Variants in MYCBP2 observed in about 807,000 individuals in gnomAD.
MYCBP2 encodes the protein MYC binding protein 2.
A neutral mutation model predicts 525.3 loss-of-function variants in MYCBP2; 120 were observed. That is an observed-to-expected ratio of 0.23 (90% confidence interval 0.20 to 0.27). The LOEUF is 0.27. MYCBP2 is among the 10% of genes least tolerant of loss of function. The pLI is 1.00. For synonymous variants in MYCBP2, 1,894 were observed against 1,955.8 expected, an observed-to-expected ratio of 0.97 and a Z score of 0.83; for missense variants, 4,149 against 5,657.1, an observed-to-expected ratio of 0.73 and a Z score of 8.55.
At chr13:77,284,188 TACA>T in intron 3 of MYCBP2, among the ~76,000 whole-genome samples, 1 of 151,348 alleles carries the variant, frequency 6.6e-6, no homozygotes, top group African/African-American at 2.4e-5. Flanking sequence ...AAAACTGTAT[TACA>T]ACAACACTTC....
intron 15 of MYCBP2, among the ~76,000 whole-genome samples, chr13:77,245,005 A>T (rs1221877202): frequency 2.0e-5 from 3 of 152,222 alleles, no homozygotes; most frequent in African/African-American, 7.2e-5. Context: ...AACGAAAAAA[A>T]GCTCACCATC....
rs2038609923 is a variant in MYCBP2 at position 77,058,473 on chromosome 13, A to C, written c.13141-67T>G. On this transcript the variant is annotated intron_variant, in intron 77 of 82. Coordinates refer to ENST00000544440, the MANE Select transcript of MYCBP2 (RefSeq NM_015057.5). This position sits in a 1 kb window ranked among gnomAD's most constrained non-coding sequence, Gnocchi z 4.1. ...AGCACACATTCTGGTAATTTTCCTT[A>C]TTATATAAATTTCCAAAGATTACTT... 7.5e-7 allele frequency: 1 copy of C among 1,340,470 alleles called. No homozygotes were observed. The highest frequency in any genetic ancestry group is 1.5e-5 in the African/African-American group (1 of 66,738). 83.0% of individuals were successfully genotyped at this position (1,340,470 alleles called of 1,614,324 possible). A position where few individuals can be genotyped will look rare whatever the true frequency, so the allele number is the denominator to read the frequency against.
At chr13:77,079,906 AG>A (rs1388264195) in intron 65 of MYCBP2, among the ~76,000 whole-genome samples, 1 of 152,192 alleles carries the variant, frequency 6.6e-6, no homozygotes, top group Non-Finnish European at 1.5e-5. Context: ...AGTAGATGTC[AG>A]CTTACATGTT....
At chr13:77,281,954 A>T (rs1427625678) in intron 3 of MYCBP2, among the ~76,000 whole-genome samples, 1 of 152,250 alleles carries the variant, frequency 6.6e-6, no homozygotes. Context: ...ATATTACCAT[A>T]GAGTGAAGTA....
intron 57 of MYCBP2, 145 bp downstream of exon 57, chr13:77,096,167 T>C (rs917999982): frequency 1.5e-5 from 13 of 848,640 alleles, no homozygotes; most frequent in Admixed American, 1.5e-4. Flanking sequence ...GTACAAATAT[T>C]AAATTTGTAT....
chr13:77,081,742 A>G lies in MYCBP2; in HGVS notation c.11194-91T>C. 6.5e-7 allele frequency: 1 copy of G among 1,532,300 alleles called. No individual in the cohort carries two copies. Among genetic ancestry groups the G allele is most frequent in the Non-Finnish European group, 8.8e-7 (1 of 1,135,680 alleles). 94.9% of individuals were successfully genotyped at this position (1,532,300 alleles called of 1,614,324 possible). ...CAGGTATAAGATAAAACATAATGGA[A>G]GACAGGATCAAATTGATTATGAATA... On this transcript the variant is annotated intron_variant, in intron 64 of 82. Coordinates refer to ENST00000544440, the MANE Select transcript of MYCBP2 (RefSeq NM_015057.5). This position sits in a 1 kb window ranked among gnomAD's most constrained non-coding sequence, Gnocchi z 4.6.
At chr13:77,171,201 T>C (rs1233322699) in intron 38 of MYCBP2, among the ~76,000 whole-genome samples, 2 of 152,166 alleles carry the variant, frequency 1.3e-5, no homozygotes, top group African/African-American at 2.4e-5. Flanking sequence ...AAAAAGCTTT[T>C]TGATTACTAA....
At chr13:77,264,626 A>G (rs2073819236) in intron 8 of MYCBP2, among the ~76,000 whole-genome samples, 1 of 152,144 alleles carries the variant, frequency 6.6e-6, no homozygotes, top group Non-Finnish European at 1.5e-5. Flanking sequence ...GCAGTCATGT[A>G]TCTTGGCTAG....
At chr13:77,175,364 G>A (rs2046972443) in intron 36 of MYCBP2, among the ~76,000 whole-genome samples, 1 of 151,902 alleles carries the variant, frequency 6.6e-6, no homozygotes, top group Admixed American at 6.6e-5. Context: ...GAAATATATA[G>A]GCAAACAGAC....
intron 21 of MYCBP2, among the ~76,000 whole-genome samples, chr13:77,215,564 G>C (rs1174973488): frequency 6.6e-6 from 1 of 152,158 alleles, no homozygotes; most frequent in Non-Finnish European, 1.5e-5. Flanking sequence ...GAATGGATTG[G>C]AAGTAGAAGT....
chr13:77,281,687 T>C (rs1451231700), intron 3 of MYCBP2, among the ~76,000 whole-genome samples: 1 of 152,190 alleles, frequency 6.6e-6, no homozygotes, highest in Non-Finnish European at 1.5e-5. Context: ...GATAAAAATA[T>C]ATTTGGCCAA....
In MYCBP2 at chr13:77,140,900, C is replaced by G. The variant is rs765979951; in HGVS notation, c.7347G>C (p.Met2449Ile). The change falls in exon 50 of 83, where the codon ATG (methionine) becomes ATC (isoleucine). Residue 2449 changes from methionine to isoleucine, a missense_variant. Physicochemically the swap from Met to Ile is conservative, Grantham distance 10 (BLOSUM62 1). This residue lies in a region of MYCBP2 where 692 missense variants were observed against 852.7 expected (regional missense o/e 0.81). Coordinates refer to ENST00000544440, the MANE Select transcript of MYCBP2 (RefSeq NM_015057.5). Reference sequence around the variant, plus strand: ...TGACCAACTGAGTTCCTGGTGGTATCATCCCTTTTGGTGGGTCTTTTACTT... The same window carrying G: ...TGACCAACTGAGTTCCTGGTGGTATGATCCCTTTTGGTGGGTCTTTTACTT... ...EVKVKDPPKG[M>I]IPPGTQLVKP... 2 of 1,613,036 alleles carry G rather than the reference C, an allele frequency of 1.2e-6. No individual in the cohort carries two copies. The highest frequency in any genetic ancestry group is 1.7e-6 in the Non-Finnish European group (2 of 1,179,742).
At chr13:77,300,766 G>A (rs1163291726) in intron 1 of MYCBP2, among the ~76,000 whole-genome samples, 1 of 152,170 alleles carries the variant, frequency 6.6e-6, no homozygotes, top group Non-Finnish European at 1.5e-5. Context: ...TGATTAGATA[G>A]GAGGCAGGCC....
At chr13:77,072,300 G>GAAAAAAAA (rs56238720) in intron 68 of MYCBP2, among the ~76,000 whole-genome samples, 7 of 121,188 alleles carry the variant, frequency 5.8e-5, no homozygotes, top group East Asian at 2.4e-4. Flanking sequence ...CAAAAAAAAA[G>GAAAAAAAA]AAAAAAAAAA....
chr13:77,118,456 C>T (rs1488429256), intron 55 of MYCBP2: 4 of 764,742 alleles, frequency 5.2e-6, no homozygotes, highest in South Asian at 2.7e-5. Context: ...GAGATTGGGT[C>T]GTGACTGAAT....
intron 1 of MYCBP2, among the ~76,000 whole-genome samples, chr13:77,319,201 G>A (rs1386614572): frequency 6.6e-6 from 1 of 152,156 alleles, no homozygotes; most frequent in Non-Finnish European, 1.5e-5. Flanking sequence ...AACCCTAGTT[G>A]TTGGTTTGGT....
chr13:77,198,326 T>A (rs2061989310), intron 26 of MYCBP2, among the ~76,000 whole-genome samples: 1 of 152,260 alleles, frequency 6.6e-6, no homozygotes, highest in African/African-American at 2.4e-5. Flanking sequence ...GTATTCCAAC[T>A]ATAACCAGAA....
At position 77,181,760 on chromosome 13, in the gene MYCBP2, C is replaced by G. The variant is rs752470906; in HGVS notation, c.4882G>C (p.Asp1628His). 4 of 1,613,916 alleles carry G rather than the reference C, an allele frequency of 2.5e-6. No homozygotes were observed. In the East Asian group the frequency reaches 8.9e-5, roughly 36 times the overall value. ...GGAAAACGATGAACTAGTGTTGAGT[C>G]GTTCTCTGTACTAACTTGTTTAACA... ...SIVKQVSTEN[D>H]STLVHRFPLL... The change falls in exon 33 of 83, where the codon GAC (aspartate) becomes CAC (histidine). Residue 1628 changes from aspartate (D) to histidine (H), a missense_variant. Transcript: ENST00000544440.
intron 18 of MYCBP2, among the ~76,000 whole-genome samples, chr13:77,228,977 G>A (rs1264604010): frequency 1.3e-5 from 2 of 152,130 alleles, no homozygotes; most frequent in Non-Finnish European, 2.9e-5. Context: ...AGTACTTGGA[G>A]CAAAATCATT....
Sources: allele counts gnomAD v4.1 joint callset (sites outside exome capture counted in the v4.1 genomes callset), GRCh38; gene constraint gnomAD v4.1.1; regional missense constraint gnomAD v4.1.1; non-coding constraint Gnocchi (gnomAD v3.1); transcripts MANE v1.5; gene names NCBI Gene and HGNC (gene_info 2026-07-23, HGNC 2026-07-21).